PAN3: variants seen among roughly 807,000 people sequenced by gnomAD.
PAN3 encodes poly(A) specific ribonuclease subunit PAN3.
PAN3 carries 19 observed loss-of-function variants against 96.2 expected under a neutral mutation model. That is an observed-to-expected ratio of 0.20 (90% confidence interval 0.14 to 0.29). The LOEUF is 0.29. Ranked by LOEUF, PAN3 falls within the 10% of genes least tolerant of loss-of-function variation. PAN3 has a pLI of 1.00. For missense variants in PAN3, 882 were observed against 1,108.1 expected, an observed-to-expected ratio of 0.80 and a Z score of 2.90; for synonymous variants, 433 against 406.6, an observed-to-expected ratio of 1.06 and a Z score of -0.78.
At chr13:28,192,703 G>A (rs146944123) in intron 4 of PAN3, among the ~76,000 whole-genome samples, 6 of 152,246 alleles carry the variant, frequency 3.9e-5, no homozygotes, top group African/African-American at 7.2e-5. Context: ...GTCTTCGAGC[G>A]TAAGGTGTGT....
chr13:28,161,072 C>CT (rs747007255), intron 1 of PAN3, among the ~76,000 whole-genome samples: 213 of 152,238 alleles, frequency 1.4e-3, no homozygotes, highest in Non-Finnish European at 1.9e-3. Flanking sequence ...TCCATTTTCC[C>CT]TTTTTTTATC....
At chr13:28,227,693 G>A (rs2138419924) in intron 6 of PAN3, among the ~76,000 whole-genome samples, 1 of 152,328 alleles carries the variant, frequency 6.6e-6, no homozygotes, top group South Asian at 2.1e-4. Context: ...ATAGAGGACA[G>A]TAAAGAGACA....
intron 2 of PAN3, among the ~76,000 whole-genome samples, chr13:28,176,204 G>A (rs1368587064): frequency 6.6e-6 from 1 of 152,150 alleles, no homozygotes; most frequent in Non-Finnish European, 1.5e-5. Flanking sequence ...TTACAGACAA[G>A]GAAACTTAGT....
At chr13:28,261,187 T>G (rs968273246) in intron 8 of PAN3, among the ~76,000 whole-genome samples, 2 of 152,236 alleles carry the variant, frequency 1.3e-5, no homozygotes, top group African/African-American at 4.8e-5. Flanking sequence ...GCACATCTAC[T>G]TAAACCCAAT....
At position 28,200,421 on chromosome 13, in the gene PAN3, G is replaced by A. The variant is rs183864820; in HGVS notation, c.852+3075G>A. Among the ~76,000 whole-genome samples, 487 of 152,144 alleles carry A rather than the reference G, an allele frequency of 3.2e-3. 3 individuals carry two copies. The highest frequency in any genetic ancestry group is 0.011 in the African/African-American group (458 of 41,502). ...TCTTTTTCTACTTCTGAAAACAAAGGAAAACCAACAAACCAACTAACAAGA... is the reference window on the plus strand; with the variant it reads ...TCTTTTTCTACTTCTGAAAACAAAGAAAAACCAACAAACCAACTAACAAGA... On this transcript the variant is annotated intron_variant, in intron 5 of 18. Transcript: ENST00000380958.
chr13:28,221,668 C>T (rs771962960), intron 6 of PAN3, among the ~76,000 whole-genome samples: 1 of 152,128 alleles, frequency 6.6e-6, no homozygotes, highest in Non-Finnish European at 1.5e-5. Flanking sequence ...ACCTGTCTCC[C>T]TTCCAACTCC....
intron 6 of PAN3, among the ~76,000 whole-genome samples, chr13:28,235,351 TC>T (rs1287982849): frequency 2.6e-5 from 4 of 152,232 alleles, no homozygotes; most frequent in African/African-American, 4.8e-5. Context: ...CTGCCATCTT[TC>T]TTTTCTGATT....
intron 1 of PAN3, among the ~76,000 whole-genome samples, chr13:28,170,507 T>C (rs1046539425): frequency 3.9e-5 from 6 of 152,136 alleles, no homozygotes; most frequent in Non-Finnish European, 7.4e-5. Flanking sequence ...GTACAAAATG[T>C]GAAAAGAGAA....
chr13:28,257,699 T>TTA (rs552039281), intron 7 of PAN3, among the ~76,000 whole-genome samples: 14 of 137,762 alleles, frequency 1.0e-4, no homozygotes, highest in African/African-American at 1.7e-4. Context: ...TAAATATATA[T>TTA]TATATATATT....
intron 12 of PAN3, among the ~76,000 whole-genome samples, chr13:28,267,651 G>A (rs934634032): frequency 2.0e-5 from 3 of 152,186 alleles, no homozygotes; most frequent in African/African-American, 7.2e-5. Context: ...CATGGCAGAA[G>A]GTGAAAGGCA....
At chr13:28,168,202 G>A (rs765209216) in intron 1 of PAN3, among the ~76,000 whole-genome samples, 1 of 152,184 alleles carries the variant, frequency 6.6e-6, no homozygotes, top group East Asian at 1.9e-4. Context: ...GGGGCAAGAA[G>A]TGTTTTGGAT....
At chr13:28,254,828 A>C (rs1019086818) in intron 6 of PAN3, among the ~76,000 whole-genome samples, 1 of 152,224 alleles carries the variant, frequency 6.6e-6, no homozygotes, top group Middle Eastern at 3.4e-3. Flanking sequence ...AAGTAGGAGT[A>C]CTAGATTGGG....
intron 1 of PAN3, among the ~76,000 whole-genome samples, chr13:28,147,860 CTT>C (rs1870877864): frequency 6.6e-6 from 1 of 152,104 alleles, no homozygotes; most frequent in Admixed American, 6.6e-5. Context: ...CTGAAAAAAG[CTT>C]TGTCTTTTCT....
chr13:28,189,360 AC>A (rs1876905150), intron 4 of PAN3, among the ~76,000 whole-genome samples: 1 of 152,068 alleles, frequency 6.6e-6, no homozygotes, highest in Non-Finnish European at 1.5e-5. Flanking sequence ...TACTCAAAAT[AC>A]AAAAATTAGC....
chr13:28,283,917 T>C (rs1868620609), intron 17 of PAN3, among the ~76,000 whole-genome samples: 1 of 152,216 alleles, frequency 6.6e-6, no homozygotes, highest in Non-Finnish European at 1.5e-5. Context: ...GTTTATCCTA[T>C]GGATGTGTTA....
chr13:28,218,364 T>G (rs1383341355), intron 5 of PAN3, among the ~76,000 whole-genome samples: 2 of 152,152 alleles, frequency 1.3e-5, no homozygotes, highest in Admixed American at 6.5e-5. Context: ...TATTTTATCT[T>G]TAATCTCAAG....
At chr13:28,154,735 A>G (rs536614473) in intron 1 of PAN3, among the ~76,000 whole-genome samples, 3 of 151,190 alleles carry the variant, frequency 2.0e-5, no homozygotes, top group East Asian at 1.9e-4. Flanking sequence ...ACCTCAGGCA[A>G]TCCACCCACT....
At chr13:28,220,488 C>G (rs1881286275) in intron 6 of PAN3, 110 bp downstream of exon 6, 1 of 1,289,146 alleles carries the variant, frequency 7.8e-7, no homozygotes, top group Non-Finnish European at 1.0e-6. Flanking sequence ...CACATTTGAA[C>G]ATTAAGAGCT....
At chr13:28,249,001 CA>C (rs1176250106) in intron 6 of PAN3, among the ~76,000 whole-genome samples, 1 of 152,040 alleles carries the variant, frequency 6.6e-6, no homozygotes, top group South Asian at 2.1e-4. Flanking sequence ...ATATGATTTG[CA>C]AATATTTTCT....
Sources: gnomAD v4.1 joint callset for allele counts (sites outside exome capture counted in the v4.1 genomes callset) on GRCh38, gnomAD v4.1.1 for gene constraint, MANE v1.5 for transcripts, NCBI Gene and HGNC (gene_info 2026-07-23, HGNC 2026-07-21) for gene names.